GRIP1: variants seen among roughly 807,000 people sequenced by gnomAD.
GRIP1 encodes the protein glutamate receptor interacting protein 1.
In GRIP1, 45 loss-of-function variants were observed where a neutral mutation model predicts 129.9. The observed-to-expected ratio is 0.35, with a 90% CI of 0.27 to 0.44. The LOEUF is 0.44. Among genes scored for constraint, GRIP1 ranks in the 20% least tolerant of loss-of-function variants. The probability of loss-of-function intolerance (pLI) is 1.00; values close to 1 mark genes in which losing one functional copy is unlikely to be tolerated. For missense variants in GRIP1, 1,196 were observed against 1,396.8 expected (o/e 0.86, Z 2.29); for synonymous variants, 530 against 520.8 (o/e 1.02, Z -0.24).
chr12:66,664,161 A>G (rs900595632), intron 1 of GRIP1, among the ~76,000 whole-genome samples: 1 of 152,024 alleles, frequency 6.6e-6, no homozygotes, highest in Non-Finnish European at 1.5e-5. Context: ...CTGATGGAGT[A>G]ACTATTCACA....
chr12:66,571,050 A>AT (rs2062943299), intron 2 of GRIP1: 1 of 152,214 alleles, frequency 6.6e-6, no homozygotes, highest in Non-Finnish European at 1.5e-5. Context: ...TTTCTGCACT[A>AT]TCACTTTAGT....
intron 24 of GRIP1, among the ~76,000 whole-genome samples, chr12:66,351,556 G>T (rs3045285): frequency 0.16 from 7,967 of 48,922 alleles, 680 homozygotes; most frequent in African/African-American, 0.35. Context: ...CAGGAAGGTG[G>T]TTTTTTTTTT....
At chr12:66,974,446 T>G (rs2042123097) in intron 1 of GRIP1, among the ~76,000 whole-genome samples, 1 of 152,210 alleles carries the variant, frequency 6.6e-6, no homozygotes, top group African/African-American at 2.4e-5. Flanking sequence ...AGGCAGGAAT[T>G]TCAACATCTA....
chr12:66,446,655 GGACTTGCCTCTTA>G (rs1363666686), intron 11 of GRIP1, among the ~76,000 whole-genome samples: 1 of 152,014 alleles, frequency 6.6e-6, no homozygotes, highest in Non-Finnish European at 1.5e-5. Context: ...CATGACTTCA[GGACTTGCCTCTTA>G]GTCTGCCTCC....
At chr12:66,768,187 G>C (rs564833069) in intron 1 of GRIP1, among the ~76,000 whole-genome samples, 5 of 152,310 alleles carry the variant, frequency 3.3e-5, no homozygotes, top group Admixed American at 1.3e-4. Flanking sequence ...GCTTATAGGA[G>C]GAACATTGGG....
intron 9 of GRIP1, among the ~76,000 whole-genome samples, chr12:66,457,699 G>T (rs1402991544): frequency 6.6e-6 from 1 of 152,158 alleles, no homozygotes; most frequent in African/African-American, 2.4e-5. Context: ...CAACTGTGAT[G>T]CCAGCTGAAT....
chr12:66,369,516 T>G (rs1203683602), intron 23 of GRIP1, among the ~76,000 whole-genome samples: 2 of 152,174 alleles, frequency 1.3e-5, no homozygotes, highest in Non-Finnish European at 2.9e-5. Context: ...TGGAGGTAAC[T>G]GTTTCACTCC....
intron 1 of GRIP1, among the ~76,000 whole-genome samples, chr12:66,779,956 A>C (rs2038102949): frequency 6.6e-6 from 1 of 152,198 alleles, no homozygotes; most frequent in Non-Finnish European, 1.5e-5. Context: ...CCTAAAGCAA[A>C]GTTAAAGAAC....
chr12:66,989,572 C>T (rs564677333), intron 1 of GRIP1, among the ~76,000 whole-genome samples: 5 of 152,198 alleles, frequency 3.3e-5, no homozygotes, highest in Admixed American at 2.0e-4. Context: ...TGAATCCATC[C>T]GAATAGGTTA....
chr12:66,573,402 C>T (rs1565874542), intron 2 of GRIP1, among the ~76,000 whole-genome samples: 2 of 152,118 alleles, frequency 1.3e-5, no homozygotes, highest in Non-Finnish European at 2.9e-5. Flanking sequence ...GGATAATAAA[C>T]GTGTATTGTT....
rs2056000743 is a variant in GRIP1 at position 66,379,583 on chromosome 12, A to G, written c.2465-147T>C. 3.6e-6 allele frequency: 3 copies of G among 831,682 alleles called. No individual in the cohort carries two copies. In the South Asian group the frequency reaches 4.2e-5, roughly 12 times the overall value. The allele number at this position is 831,682 out of a possible 1,614,324, so 51.5% of individuals were successfully genotyped here. ...ATAGTGTGTGCTTATTGTGCACCAAAGACTTCACCAAGTACTTCATTTTGA... is the reference window on the plus strand; with the variant it reads ...ATAGTGTGTGCTTATTGTGCACCAAGGACTTCACCAAGTACTTCATTTTGA... On this transcript the variant is annotated intron_variant, in intron 19 of 24. Coordinates refer to ENST00000359742, the MANE Select transcript of GRIP1 (RefSeq NM_001366722.1).
chr12:66,511,106 G>C (rs564612925), intron 7 of GRIP1, among the ~76,000 whole-genome samples: 76 of 152,228 alleles, frequency 5.0e-4, no homozygotes, highest in African/African-American at 1.7e-3. Context: ...GAATCATGGT[G>C]GTGGGTCTTT....
chr12:66,615,989 G>A (rs576238302), intron 1 of GRIP1, among the ~76,000 whole-genome samples: 6 of 152,118 alleles, frequency 3.9e-5, no homozygotes, highest in African/African-American at 1.2e-4. Flanking sequence ...GCATTCAAAC[G>A]TAGAAGGCCT....
intron 1 of GRIP1, among the ~76,000 whole-genome samples, chr12:66,706,807 G>A (rs1245787378): frequency 6.6e-6 from 1 of 151,916 alleles, no homozygotes; most frequent in Non-Finnish European, 1.5e-5. Flanking sequence ...AAAAGTAGGA[G>A]TTGAATGTTG....
intron 1 of GRIP1, among the ~76,000 whole-genome samples, chr12:66,972,463 T>A (rs1466498036): frequency 1.3e-5 from 2 of 152,306 alleles, no homozygotes; most frequent in South Asian, 2.1e-4. Flanking sequence ...GATATAACAG[T>A]CCAATTCAGC....
At chr12:66,625,069 A>G (rs758583885) in intron 1 of GRIP1, among the ~76,000 whole-genome samples, 14 of 151,974 alleles carry the variant, frequency 9.2e-5, no homozygotes, top group South Asian at 2.1e-4. Context: ...TTTAAAACAC[A>G]AGGCAGAAAG....
chr12:66,641,817 A>G (rs2031954568), intron 1 of GRIP1, among the ~76,000 whole-genome samples: 1 of 152,178 alleles, frequency 6.6e-6, no homozygotes. Flanking sequence ...ACCATCACCT[A>G]GCATTGTTCA....
At chr12:66,920,673 G>A (rs1011581122) in intron 1 of GRIP1, among the ~76,000 whole-genome samples, 4 of 152,218 alleles carry the variant, frequency 2.6e-5, no homozygotes, top group Admixed American at 2.6e-4. Context: ...AGAAAGTTAT[G>A]TAACTCAGAC....
At chr12:67,062,457 A>T (rs891493083) in intron 1 of GRIP1, among the ~76,000 whole-genome samples, 1 of 151,592 alleles carries the variant, frequency 6.6e-6, no homozygotes, top group African/African-American at 2.4e-5. Context: ...CCAACTCTCT[A>T]ATCTCCTCCC....
Sources: gnomAD v4.1 joint callset for allele counts (sites outside exome capture counted in the v4.1 genomes callset) on GRCh38, gnomAD v4.1.1 for gene constraint, MANE v1.5 for transcripts, NCBI Gene and HGNC (gene_info 2026-07-23, HGNC 2026-07-21) for gene names.